OTUD7A: variants seen among roughly 807,000 people sequenced by gnomAD.
OTUD7A encodes the protein OTU domain-containing protein 7A.
OTUD7A carries 12 observed loss-of-function variants against 65.7 expected under a neutral mutation model. The observed-to-expected ratio is 0.18, with a 90% CI of 0.12 to 0.30. The LOEUF is 0.30. Ranked by LOEUF, OTUD7A falls within the 10% of genes least tolerant of loss-of-function variation. The pLI is 1.00. For synonymous variants in OTUD7A, 641 were observed against 586.3 expected, an observed-to-expected ratio of 1.09 and a Z score of -1.35; for missense variants, 1,148 against 1,304.8, an observed-to-expected ratio of 0.88 and a Z score of 1.85.
At chr15:31,753,686 G>GATATATATATT (rs1894706117) in intron 1 of OTUD7A, among the ~76,000 whole-genome samples, 1 of 52,820 alleles carries the variant, frequency 1.9e-5, no homozygotes, top group East Asian at 3.9e-4. Context: ...TAACCTGTGA[G>GATATATATATT]ATATATATAT....
chr15:31,615,313 A>C (rs1890552910), intron 3 of OTUD7A, among the ~76,000 whole-genome samples: 1 of 152,228 alleles, frequency 6.6e-6, no homozygotes, highest in Non-Finnish European at 1.5e-5. Context: ...TAATCAAAAG[A>C]GCTAATGTAG....
In OTUD7A at chr15:31,559,073, T is replaced by G; in HGVS notation, c.446A>C (p.Tyr149Ser). Residue 149 changes from tyrosine to serine, a missense_variant, in exon 5 of 13, where the codon TAC (tyrosine) becomes TCC (serine). Tyr to Ser is a moderately radical substitution (Grantham distance 144). Coordinates refer to ENST00000307050, the MANE Select transcript of OTUD7A (RefSeq NM_001382637.1). ...GCTCAGGTCTGGCAACTGGAATGTG[T>G]AGATTGGCATCTCCAGGGGGAACTG... ...NEQFPLEMPI[Y>S]TFQLPDLSVY... 1 of 1,614,168 alleles carries G rather than the reference T, an allele frequency of 6.2e-7. No homozygotes were observed. The highest frequency in any genetic ancestry group is 8.5e-7 in the Non-Finnish European group (1 of 1,180,026).
At chr15:31,696,203 T>C (rs1893079600) in intron 1 of OTUD7A, among the ~76,000 whole-genome samples, 1 of 131,182 alleles carries the variant, frequency 7.6e-6, no homozygotes, top group Admixed American at 8.0e-5. Context: ...GCAGCATCAT[T>C]ACAGAGAACT....
At chr15:31,585,707 G>C (rs142508832) in intron 3 of OTUD7A, among the ~76,000 whole-genome samples, 102 of 152,296 alleles carry the variant, frequency 6.7e-4, no homozygotes, top group African/African-American at 2.3e-3. Flanking sequence ...ATGTGCTCCA[G>C]AAAGAGCCCC....
chr15:31,852,859 G>A (rs1325876391), intron 1 of OTUD7A, among the ~76,000 whole-genome samples: 2 of 152,226 alleles, frequency 1.3e-5, no homozygotes, highest in South Asian at 4.1e-4. Flanking sequence ...AAAGCAGTAA[G>A]AATTCATTCA....
intron 5 of OTUD7A, among the ~76,000 whole-genome samples, chr15:31,543,588 A>G (rs1390138586): frequency 1.3e-5 from 2 of 152,020 alleles, no homozygotes; most frequent in East Asian, 3.9e-4. Context: ...TAACTTACGG[A>G]AAGCTAACAT....
At chr15:31,859,909 T>A (rs1464941743) in intron 1 of OTUD7A, among the ~76,000 whole-genome samples, 3 of 152,360 alleles carry the variant, frequency 2.0e-5, no homozygotes, top group South Asian at 4.1e-4. Flanking sequence ...GGCAGTGGTA[T>A]CTTCCTTTCT....
chr15:31,498,945 T>G lies in OTUD7A; in HGVS notation c.1171+2745A>C, dbSNP rs537829600. On this transcript the variant is annotated intron_variant, in intron 10 of 12. Transcript: ENST00000307050. The surrounding 1 kb of genome is among the most constrained non-coding windows in gnomAD (Gnocchi z 4.2). ...TGCCTAGCCTGGGAAATGGGAGGAT[T>G]CCTGAACTTGAAGATGGTCAGTGGC... Among the ~76,000 whole-genome samples the G allele has an allele frequency of 4.4e-4, 67 of 152,262 alleles. 2 individuals carry two copies. Among genetic ancestry groups the G allele is most frequent in the Admixed American group, 3.2e-3 (49 of 15,306 alleles).
chr15:31,657,798 G>A (rs1038070058), intron 1 of OTUD7A, among the ~76,000 whole-genome samples: 3 of 152,054 alleles, frequency 2.0e-5, no homozygotes, highest in African/African-American at 7.2e-5. Flanking sequence ...CCACTGCTCC[G>A]TGCCATCCTC....
chr15:31,503,243 C>G (rs1022548491), intron 9 of OTUD7A, among the ~76,000 whole-genome samples: 1 of 152,256 alleles, frequency 6.6e-6, no homozygotes, highest in Non-Finnish European at 1.5e-5. Flanking sequence ...TCTGCCAGTT[C>G]TGATTCTACC....
Position 31,484,696 on chromosome 15 carries a change from G to A in OTUD7A, c.1400C>T (p.Thr467Met). 5 of 1,586,306 alleles carry A rather than the reference G, an allele frequency of 3.2e-6. No individual in the cohort carries two copies. The highest frequency in any genetic ancestry group is 4.3e-6 in the Non-Finnish European group (5 of 1,171,418). ...RAPLAQPESP[T>M]ASAGEDVQSL... is the part of the protein sequence containing the mutation. ...CTGCACGTCCTCCCCTGCCGAGGCC[G>A]TGGGAGACTCCGGCTGTGCCAGGGG... The change falls in exon 13 of 13, where the codon ACG (threonine) becomes ATG (methionine). Residue 467 changes from threonine to methionine, a missense_variant. Thr to Met is a moderately conservative substitution (Grantham distance 81). Coordinates refer to ENST00000307050, the MANE Select transcript of OTUD7A (RefSeq NM_001382637.1). The surrounding 1 kb of genome is among the most constrained non-coding windows in gnomAD (Gnocchi z 4.5).
At chr15:31,601,953 C>T (rs1595645329) in intron 3 of OTUD7A, among the ~76,000 whole-genome samples, 1 of 152,114 alleles carries the variant, frequency 6.6e-6, no homozygotes, top group Non-Finnish European at 1.5e-5. Flanking sequence ...GAAATTGAGG[C>T]AGTAATTAAT....
intron 1 of OTUD7A, among the ~76,000 whole-genome samples, chr15:31,685,384 G>A (rs992460274): frequency 5.3e-5 from 8 of 152,132 alleles, no homozygotes; most frequent in East Asian, 1.9e-4. Flanking sequence ...GGTGGCTCAC[G>A]CCTGTCATCC....
In OTUD7A at chr15:31,531,471, A is replaced by G. The variant is rs993341368; in HGVS notation, c.551-663T>C. 6.7e-5 allele frequency among the ~76,000 whole-genome samples: 10 copies of G among 149,330 alleles called. No homozygotes were observed. The East Asian group carries it at 1.8e-3, about 27-fold the overall frequency. On this transcript the variant is annotated intron_variant, in intron 5 of 12. Coordinates refer to ENST00000307050, the MANE Select transcript of OTUD7A (RefSeq NM_001382637.1). ...GTTCCCTGGAGTTTCTTTTTGCCTC[A>G]CATATCCCAGATTAGATACTGTAAA...
intron 1 of OTUD7A, among the ~76,000 whole-genome samples, chr15:31,752,190 G>A (rs1481586629): frequency 6.6e-6 from 1 of 152,076 alleles, no homozygotes; most frequent in Non-Finnish European, 1.5e-5. Flanking sequence ...AACACAAAAT[G>A]TATACAGTAT....
chr15:31,647,860 T>G (rs148478661), intron 3 of OTUD7A, among the ~76,000 whole-genome samples: 3 of 151,784 alleles, frequency 2.0e-5, no homozygotes, highest in Admixed American at 6.6e-5. Flanking sequence ...AGAGCTGAAT[T>G]TCAACAGGGA....
In OTUD7A at chr15:31,847,377, C is replaced by T. The variant is rs567244981; in HGVS notation, c.-100+23130G>A. On this transcript the variant is annotated intron_variant, in intron 1 of 12. Coordinates refer to ENST00000307050, the MANE Select transcript of OTUD7A (RefSeq NM_001382637.1). ...TCATGGTCAAAGAGCAAGACAGCCGCTCTCCTCCACTAAGGACTAGTGATG... is the reference window on the plus strand; with the variant it reads ...TCATGGTCAAAGAGCAAGACAGCCGTTCTCCTCCACTAAGGACTAGTGATG... 2.0e-4 allele frequency among the ~76,000 whole-genome samples: 30 copies of T among 152,294 alleles called. 1 individual carries two copies. Among genetic ancestry groups the T allele is most frequent in the Admixed American group, 1.9e-3 (29 of 15,310 alleles).
intron 1 of OTUD7A, among the ~76,000 whole-genome samples, chr15:31,821,144 T>TC (rs1371838023): frequency 7.0e-6 from 1 of 143,272 alleles, no homozygotes; most frequent in African/African-American, 2.6e-5. Context: ...TTTTTTTTTT[T>TC]TTTTTTTTTT....
chr15:31,575,358 T>C (rs1280362324), intron 3 of OTUD7A, among the ~76,000 whole-genome samples: 1 of 151,994 alleles, frequency 6.6e-6, no homozygotes, highest in Non-Finnish European at 1.5e-5. Flanking sequence ...AAAGTACATA[T>C]GAAAACAGAA....
Sources: gnomAD v4.1 joint callset for allele counts (sites outside exome capture counted in the v4.1 genomes callset) on GRCh38, gnomAD v4.1.1 for gene constraint, Gnocchi (gnomAD v3.1) non-coding constraint, MANE v1.5 for transcripts, NCBI Gene and HGNC (gene_info 2026-07-23, HGNC 2026-07-21) for gene names.